Variants in C9 observed in about 807,000 individuals in gnomAD.
C9 encodes the protein complement component C9.
C9 carries 63 observed loss-of-function variants against 65.4 expected under a neutral mutation model. The observed-to-expected ratio is 0.96, with a 90% confidence interval of 0.79 to 1.19. The LOEUF is 1.19. C9 is among the 50% of genes most tolerant of loss of function. The pLI is 0.00. For synonymous variants in C9, 229 were observed against 227.9 expected, an observed-to-expected ratio of 1.00 and a Z score of -0.04; for missense variants, 744 against 670.1, an observed-to-expected ratio of 1.11 and a Z score of -1.22.
intron 9 of C9, among the ~76,000 whole-genome samples, chr5:39,289,431 T>TTAAAAAG (rs1753049936): frequency 7.4e-6 from 1 of 134,434 alleles, no homozygotes; most frequent in Non-Finnish European, 1.7e-5. Flanking sequence ...CTTTTTCTAA[T>TTAAAAAG]TTCTTTCTTG....
intron 1 of C9, among the ~76,000 whole-genome samples, chr5:39,347,797 G>T (rs1300719121): frequency 1.3e-5 from 2 of 152,120 alleles, no homozygotes; most frequent in Admixed American, 1.3e-4. Flanking sequence ...AACCAAAACA[G>T]CATGGTACTG....
intron 9 of C9, among the ~76,000 whole-genome samples, chr5:39,296,566 A>G (rs192208514): frequency 6.6e-6 from 1 of 151,754 alleles, no homozygotes; most frequent in East Asian, 1.9e-4. Context: ...AAACACAATT[A>G]TCACATGATC....
chr5:39,300,344 G>A (rs1220174429), intron 9 of C9, among the ~76,000 whole-genome samples: 2 of 152,114 alleles, frequency 1.3e-5, no homozygotes, highest in African/African-American at 2.4e-5. Flanking sequence ...GCCAGGAGGT[G>A]GAGGTTGCTG....
intron 6 of C9, among the ~76,000 whole-genome samples, chr5:39,313,875 C>A (rs1012479142): frequency 1.3e-5 from 2 of 152,076 alleles, no homozygotes; most frequent in African/African-American, 4.8e-5. Context: ...CAAACTTAAC[C>A]TAACTAAAAT....
intron 4 of C9, among the ~76,000 whole-genome samples, chr5:39,339,656 T>C (rs1172060359): frequency 3.2e-5 from 4 of 125,368 alleles, no homozygotes; most frequent in African/African-American, 1.3e-4. Context: ...TCTCTCTTTT[T>C]TTTTTTTTTT....
At chr5:39,336,811 T>C (rs1753976578) in intron 4 of C9, among the ~76,000 whole-genome samples, 1 of 152,100 alleles carries the variant, frequency 6.6e-6, no homozygotes, top group African/African-American at 2.4e-5. Flanking sequence ...TTCTGAGTTA[T>C]ATACCAAAAA....
intron 4 of C9, among the ~76,000 whole-genome samples, chr5:39,340,772 G>C (rs1446197098): frequency 6.6e-6 from 1 of 152,128 alleles, no homozygotes; most frequent in Admixed American, 6.5e-5. Flanking sequence ...GCAAATATTT[G>C]AATTGAATTG....
At chr5:39,299,638 T>C (rs1473971655) in intron 9 of C9, among the ~76,000 whole-genome samples, 1 of 152,050 alleles carries the variant, frequency 6.6e-6, no homozygotes, top group Non-Finnish European at 1.5e-5. Context: ...TGGCAGTAAA[T>C]AGATCAGTGG....
rs1394907516 is a variant in C9 at position 39,285,175 on chromosome 5, T to G, written c.*24A>C. 1 of 1,606,454 alleles carries G rather than the reference T, an allele frequency of 6.2e-7. No homozygotes were observed. The highest frequency in any genetic ancestry group is 1.1e-5 in the South Asian group (1 of 90,922). ...AGGTACTAGTGTTTTCTTCTTCCAC[T>G]GGAGCTCAGAGAAGCCAACAGCTCT... On this transcript the variant is annotated 3_prime_UTR_variant, in exon 11 of 11. Transcript: ENST00000263408.
intron 5 of C9, among the ~76,000 whole-genome samples, chr5:39,321,323 A>T (rs1753664059): frequency 6.6e-6 from 1 of 152,174 alleles, no homozygotes; most frequent in Admixed American, 6.5e-5. Context: ...GATTGAATTT[A>T]TGTTGCTAAC....
chr5:39,314,506 C>T (rs1219022421), intron 6 of C9, among the ~76,000 whole-genome samples: 1 of 151,962 alleles, frequency 6.6e-6, no homozygotes, highest in African/African-American at 2.4e-5. Flanking sequence ...CCTCAAGTGA[C>T]CTCCCATGTC....
chr5:39,316,053 G>A (rs199670039), intron 5 of C9, 24 bp from the exon 6 acceptor site: 3 of 1,595,760 alleles, frequency 1.9e-6, no homozygotes, highest in African/African-American at 1.3e-5. Flanking sequence ...AAAAAGTGTT[G>A]TTAAAAACAA....
chr5:39,331,934 T>G, intron 4 of C9, 120 bp from the exon 5 acceptor site: 1 of 865,476 alleles, frequency 1.2e-6, no homozygotes, highest in East Asian at 2.4e-5. Flanking sequence ...AATATGTGTG[T>G]GCTATAATCA....
At chr5:39,349,651 A>G (rs1754285589) in intron 1 of C9, among the ~76,000 whole-genome samples, 1 of 152,144 alleles carries the variant, frequency 6.6e-6, no homozygotes, top group Admixed American at 6.5e-5. Context: ...TGCCCTGTGA[A>G]CGCTGCTCTT....
At chr5:39,357,423 C>T (rs1488274780) in intron 1 of C9, among the ~76,000 whole-genome samples, 1 of 152,212 alleles carries the variant, frequency 6.6e-6, no homozygotes, top group Non-Finnish European at 1.5e-5. Flanking sequence ...GAGCTTCTCT[C>T]ATGTGCTTTA....
chr5:39,325,568 T>G (rs1381231588), intron 5 of C9, among the ~76,000 whole-genome samples: 3 of 151,930 alleles, frequency 2.0e-5, no homozygotes, highest in African/African-American at 7.3e-5. Flanking sequence ...ATGTCAGGAG[T>G]TAGAGACCAG....
At chr5:39,341,927 A>C (rs2111954995) in intron 2 of C9, among the ~76,000 whole-genome samples, 164 bp downstream of exon 2, 1 of 152,330 alleles carries the variant, frequency 6.6e-6, no homozygotes, top group South Asian at 2.1e-4. Flanking sequence ...GTACAACATA[A>C]AGATTTCCTG....
At position 39,285,019 on chromosome 5, in the gene C9, G is replaced by T; in HGVS notation, c.*180C>A. On this transcript the variant is annotated 3_prime_UTR_variant, in exon 11 of 11. Transcript: ENST00000263408. ...AACAAAAAATGGAAACATCACAGGA[G>T]TTTAAGGAAGAAAAATTTAAAAAAA... The T allele has an allele frequency of 1.7e-6, 1 of 597,048 alleles. No individual in the cohort carries two copies. Among genetic ancestry groups the T allele is most frequent in the Non-Finnish European group, 3.0e-6 (1 of 331,396 alleles). The allele number at this position is 597,048 out of a possible 1,614,324, so 37.0% of individuals were successfully genotyped here. A position where few individuals can be genotyped will look rare whatever the true frequency, so the allele number is the denominator to read the frequency against.
At chr5:39,325,771 C>T (rs1473732654) in intron 5 of C9, among the ~76,000 whole-genome samples, 1 of 92,476 alleles carries the variant, frequency 1.1e-5, no homozygotes, top group African/African-American at 4.0e-5. Context: ...GACTCCATCT[C>T]AAAAAAAAAA....
Sources: allele counts gnomAD v4.1 joint callset (sites outside exome capture counted in the v4.1 genomes callset), GRCh38; gene constraint gnomAD v4.1.1; transcripts MANE v1.5; gene names NCBI Gene and HGNC (gene_info 2026-07-23, HGNC 2026-07-21).